The following LHFPL2 variants were observed in gnomAD, a reference collection of about 807,000 sequenced individuals.
LHFPL2 encodes LHFPL tetraspan subfamily member 2 protein.
LHFPL2 carries 7 observed loss-of-function variants against 17.5 expected under a neutral mutation model. The observed-to-expected ratio is 0.40, with a 90% CI of 0.23 to 0.75. The LOEUF (loss-of-function observed/expected upper bound fraction) is 0.75. LHFPL2 is among the 30% of genes least tolerant of loss of function. The pLI, the probability that LHFPL2 is intolerant of heterozygous loss-of-function variation, is 0.37. For synonymous variants in LHFPL2, 134 were observed against 116.2 expected, an observed-to-expected ratio of 1.15 and a Z score of -0.99; for missense variants, 241 against 294.8, an observed-to-expected ratio of 0.82 and a Z score of 1.34.
intron 3 of LHFPL2, among the ~76,000 whole-genome samples, chr5:78,525,639 AAG>A (rs1435499270): frequency 1.3e-5 from 2 of 152,242 alleles, no homozygotes; most frequent in African/African-American, 4.8e-5. Context: ...GTGGGGAGTA[AAG>A]AGAATAAAGA....
chr5:78,631,410 C>A (rs1458117594), intron 2 of LHFPL2, among the ~76,000 whole-genome samples: 1 of 152,124 alleles, frequency 6.6e-6, no homozygotes. Context: ...TTGGGATGAA[C>A]GTTCTTCCAC....
In LHFPL2 at chr5:78,617,495, C is replaced by T. The variant is rs1427978141; in HGVS notation, c.-245+14769G>A. ...GTAGGCACACAGACATCCATCTGTG[C>T]ACCCATGGGTGCAATTTTTCAACCT... On this transcript the variant is annotated intron_variant, in intron 2 of 4. Transcript: ENST00000380345. Among the ~76,000 whole-genome samples, 5 of 152,266 alleles carry T rather than the reference C, an allele frequency of 3.3e-5. No homozygotes were observed. In the East Asian group the frequency reaches 9.7e-4, roughly 29 times the overall value.
intron 2 of LHFPL2, among the ~76,000 whole-genome samples, chr5:78,631,046 AACTT>A (rs1416575046): frequency 6.6e-6 from 1 of 152,246 alleles, no homozygotes; most frequent in Non-Finnish European, 1.5e-5. Flanking sequence ...CAAAGCACCC[AACTT>A]ACTAAGAAGA....
intron 3 of LHFPL2, among the ~76,000 whole-genome samples, chr5:78,542,215 G>C (rs1756134140): frequency 1.3e-5 from 2 of 151,886 alleles, no homozygotes; most frequent in African/African-American, 4.8e-5. Flanking sequence ...TCTCCAGCAG[G>C]CCTCACATCA....
chr5:78,545,007 C>T (rs948141520), intron 3 of LHFPL2, among the ~76,000 whole-genome samples: 1 of 152,088 alleles, frequency 6.6e-6, no homozygotes, highest in Non-Finnish European at 1.5e-5. Context: ...TCACTCACTC[C>T]CACTCTCTCT....
chr5:78,563,138 A>C (rs1756773696), intron 3 of LHFPL2, among the ~76,000 whole-genome samples: 1 of 152,212 alleles, frequency 6.6e-6, no homozygotes, highest in Middle Eastern at 3.2e-3. Context: ...ACAGTTGTAG[A>C]ACTCTATGAG....
chr5:78,629,654 C>T (rs776962323), intron 2 of LHFPL2, among the ~76,000 whole-genome samples: 9 of 152,196 alleles, frequency 5.9e-5, no homozygotes, highest in Admixed American at 1.3e-4. Flanking sequence ...TACCTGGTTC[C>T]CAGGCATTTC....
intron 3 of LHFPL2, among the ~76,000 whole-genome samples, chr5:78,544,052 G>A (rs1401776782): frequency 1.3e-5 from 2 of 152,206 alleles, no homozygotes; most frequent in African/African-American, 2.4e-5. Flanking sequence ...CACTGAGGGA[G>A]TGCTGAGGAC....
intron 2 of LHFPL2, among the ~76,000 whole-genome samples, chr5:78,595,337 CA>C (rs1243422882): frequency 2.6e-5 from 4 of 152,172 alleles, no homozygotes; most frequent in African/African-American, 9.7e-5. Flanking sequence ...TCCGAAGCAC[CA>C]GGTCAAATGC....
At chr5:78,605,550 G>C (rs961848385) in intron 2 of LHFPL2, among the ~76,000 whole-genome samples, 1 of 152,140 alleles carries the variant, frequency 6.6e-6, no homozygotes, top group African/African-American at 2.4e-5. Flanking sequence ...TTACCACCTT[G>C]AACTGGATAG....
intron 2 of LHFPL2, among the ~76,000 whole-genome samples, chr5:78,579,349 A>G (rs1225699761): frequency 6.6e-6 from 1 of 151,228 alleles, no homozygotes; most frequent in Non-Finnish European, 1.5e-5. Context: ...TCATTTATTT[A>G]TTATTATTAT....
At chr5:78,608,777 A>T (rs574518653) in intron 2 of LHFPL2, among the ~76,000 whole-genome samples, 2 of 152,066 alleles carry the variant, frequency 1.3e-5, no homozygotes, top group East Asian at 3.9e-4. Flanking sequence ...CAAAAAATAC[A>T]AAAAATTAGC....
intron 3 of LHFPL2, among the ~76,000 whole-genome samples, chr5:78,512,050 C>T (rs1755145499): frequency 6.6e-6 from 1 of 152,148 alleles, no homozygotes; most frequent in Admixed American, 6.5e-5. Context: ...CAAGAACCTA[C>T]TGAAGCACCC....
chr5:78,509,327 G>T (rs1000180171), intron 4 of LHFPL2, among the ~76,000 whole-genome samples: 1 of 152,174 alleles, frequency 6.6e-6, no homozygotes, highest in African/African-American at 2.4e-5. Context: ...GCTGAGAGTG[G>T]ATGCGGAAAG....
intron 1 of LHFPL2, among the ~76,000 whole-genome samples, chr5:78,632,655 G>T (rs900493393): frequency 3.3e-5 from 5 of 152,152 alleles, no homozygotes; most frequent in Admixed American, 6.5e-5. Context: ...CTATATGCCA[G>T]GTACCTTCTA....
At chr5:78,548,928 A>AT (rs1306838317) in intron 3 of LHFPL2, 1 of 152,242 alleles carries the variant, frequency 6.6e-6, no homozygotes, top group Non-Finnish European at 1.5e-5. Flanking sequence ...TTTCTGTCTT[A>AT]TATCAGCATT....
chr5:78,547,573 A>G (rs77149771), intron 3 of LHFPL2, among the ~76,000 whole-genome samples: 2,879 of 152,328 alleles, frequency 0.019, 83 homozygotes, highest in African/African-American at 0.066. Flanking sequence ...ATAATTTGCA[A>G]TGAAAATGCC....
At chr5:78,559,398 C>A (rs1445810769) in intron 3 of LHFPL2, among the ~76,000 whole-genome samples, 3 of 152,148 alleles carry the variant, frequency 2.0e-5, no homozygotes, top group Non-Finnish European at 2.9e-5. Flanking sequence ...CACACCTGCC[C>A]TTGTGAAGTT....
intron 2 of LHFPL2, among the ~76,000 whole-genome samples, chr5:78,617,468 T>G (rs1439229107): frequency 1.3e-5 from 2 of 152,200 alleles, no homozygotes; most frequent in African/African-American, 4.8e-5. Context: ...TTCTACCTGC[T>G]TGTAGGCACA....
Sources: gnomAD v4.1 joint callset for allele counts (sites outside exome capture counted in the v4.1 genomes callset) on GRCh38, gnomAD v4.1.1 for gene constraint, MANE v1.5 for transcripts, NCBI Gene and HGNC (gene_info 2026-07-23, HGNC 2026-07-21) for gene names.